Variants in TMEM117 observed in about 807,000 individuals in gnomAD.
The protein encoded by TMEM117 is transmembrane protein 117.
A neutral mutation model predicts 52.4 loss-of-function variants in TMEM117; 27 were observed. The ratio of observed to expected loss-of-function variants is 0.51; its 90% CI spans 0.38 to 0.71. TMEM117 has a LOEUF of 0.71. Among genes scored for constraint, TMEM117 ranks in the 30% least tolerant of loss-of-function variants. The pLI, the probability that TMEM117 is intolerant of heterozygous loss-of-function variation, is 0.00. For missense variants in TMEM117, 556 were observed against 630.5 expected, an observed-to-expected ratio of 0.88 and a Z score of 1.26; for synonymous variants, 215 against 206.3, an observed-to-expected ratio of 1.04 and a Z score of -0.36.
intron 6 of TMEM117, among the ~76,000 whole-genome samples, chr12:44,367,451 A>G (rs1051158871): frequency 6.6e-6 from 1 of 151,980 alleles, no homozygotes; most frequent in African/African-American, 2.4e-5. Flanking sequence ...CTAGGACACC[A>G]CTTTCTCTTG....
intron 5 of TMEM117, among the ~76,000 whole-genome samples, chr12:44,231,422 A>G (rs997544632): frequency 4.0e-5 from 6 of 151,834 alleles, no homozygotes; most frequent in African/African-American, 1.2e-4. Context: ...TTTAGCTATT[A>G]GAAATAATGT....
intron 3 of TMEM117, among the ~76,000 whole-genome samples, chr12:44,062,370 A>C (rs1947153434): frequency 6.6e-6 from 1 of 152,206 alleles, no homozygotes; most frequent in South Asian, 2.1e-4. Context: ...CAGTTTTCTT[A>C]AAAGAGACAG....
intron 5 of TMEM117, among the ~76,000 whole-genome samples, chr12:44,216,148 C>T (rs2138413302): frequency 6.6e-6 from 1 of 151,688 alleles, no homozygotes; most frequent in South Asian, 2.1e-4. Context: ...GCTGGGATTA[C>T]AGGCATGCAC....
chr12:44,094,272 T>C (rs2138052903), intron 3 of TMEM117, among the ~76,000 whole-genome samples: 1 of 152,280 alleles, frequency 6.6e-6, no homozygotes, highest in South Asian at 2.1e-4. Flanking sequence ...CCAGTTCTGA[T>C]CTCTGTGTGG....
At chr12:43,914,628 C>T (rs1031010437) in intron 2 of TMEM117, among the ~76,000 whole-genome samples, 5 of 152,232 alleles carry the variant, frequency 3.3e-5, no homozygotes, top group Admixed American at 6.5e-5. Context: ...CTGACTGATA[C>T]GTCTGCATAT....
intron 3 of TMEM117, among the ~76,000 whole-genome samples, chr12:44,043,992 G>T (rs761863135): frequency 2.0e-5 from 3 of 152,182 alleles, no homozygotes; most frequent in Non-Finnish European, 4.4e-5. Flanking sequence ...AAGATGGCCT[G>T]CTGTGAGTGA....
intron 4 of TMEM117, among the ~76,000 whole-genome samples, chr12:44,168,451 A>G (rs955500711): frequency 6.6e-6 from 1 of 151,930 alleles, no homozygotes; most frequent in African/African-American, 2.4e-5. Flanking sequence ...TTATGACAGC[A>G]TAATAACATA....
the TMEM117 span, chr12:43,805,903 G>A: frequency 1.6e-5 from 23 of 1,483,740 alleles, no homozygotes; most frequent in Non-Finnish European, 1.9e-5. Flanking sequence ...ACCAAAAGGG[G>A]GAAAGTTGGG....
At chr12:43,799,514 G>C in the TMEM117 span, 1 of 1,483,348 alleles carries the variant, frequency 6.7e-7, no homozygotes. Context: ...TGTAAGTACA[G>C]AATAGACTAT....
chr12:43,896,867 G>C (rs966490638), intron 2 of TMEM117, among the ~76,000 whole-genome samples: 1 of 152,134 alleles, frequency 6.6e-6, no homozygotes, highest in East Asian at 1.9e-4. Context: ...AGTTTATGGT[G>C]GGTGTTTGCC....
At chr12:43,894,184 A>C (rs1944158029) in intron 2 of TMEM117, among the ~76,000 whole-genome samples, 1 of 152,228 alleles carries the variant, frequency 6.6e-6, no homozygotes. Context: ...GGGAGAGAAG[A>C]AATTAATGGC....
At chr12:43,917,632 CT>C (rs138381377) in intron 2 of TMEM117, among the ~76,000 whole-genome samples, 4,453 of 152,180 alleles carry the variant, frequency 0.029, 206 homozygotes, top group African/African-American at 0.1. Context: ...ACATTTTTAG[CT>C]TTTAGTAACA....
chr12:44,100,858 TGTCCAACC>T (rs111554075), intron 3 of TMEM117, among the ~76,000 whole-genome samples: 15,618 of 151,922 alleles, frequency 0.1, 893 homozygotes, highest in Middle Eastern at 0.19. Flanking sequence ...TGCTACTGCT[TGTCCAACC>T]GTCAGTTTGG....
At chr12:43,960,305 A>G (rs1945380917) in intron 3 of TMEM117, among the ~76,000 whole-genome samples, 1 of 148,800 alleles carries the variant, frequency 6.7e-6, no homozygotes, top group African/African-American at 2.5e-5. Context: ...GGGGTTGAGT[A>G]AGGGGAGAGG....
intron 6 of TMEM117, among the ~76,000 whole-genome samples, chr12:44,307,003 A>G (rs1181750574): frequency 6.6e-6 from 1 of 152,216 alleles, no homozygotes; most frequent in Non-Finnish European, 1.5e-5. Context: ...TTCCACAAAC[A>G]TTTCACCATG....
chr12:43,997,149 C>T (rs1332688210), intron 3 of TMEM117, among the ~76,000 whole-genome samples: 1 of 152,146 alleles, frequency 6.6e-6, no homozygotes, highest in Non-Finnish European at 1.5e-5. Context: ...ATTGGGTAAG[C>T]TGGAAAGTGG....
chr12:44,198,599 C>T (rs1949451823), intron 4 of TMEM117, among the ~76,000 whole-genome samples: 1 of 152,050 alleles, frequency 6.6e-6, no homozygotes, highest in Non-Finnish European at 1.5e-5. Flanking sequence ...TCTGACTTAC[C>T]CCAAGAGGGT....
intron 7 of TMEM117, among the ~76,000 whole-genome samples, chr12:44,385,132 G>A (rs1006631009): frequency 6.6e-6 from 1 of 152,166 alleles, no homozygotes; most frequent in African/African-American, 2.4e-5. Flanking sequence ...TCAGTGTTGG[G>A]ATGAGATGCC....
the TMEM117 span, chr12:43,806,301 G>C: frequency 9.0e-6 from 13 of 1,447,812 alleles, no homozygotes; most frequent in South Asian, 1.4e-5. Context: ...GGCCCCGGCC[G>C]GCGGCCCCAG....
Sources: allele counts gnomAD v4.1 joint callset (sites outside exome capture counted in the v4.1 genomes callset), GRCh38; gene constraint gnomAD v4.1.1; transcripts MANE v1.5; gene names NCBI Gene and HGNC (gene_info 2026-07-23, HGNC 2026-07-21).